Variants in CNGB3 observed in about 807,000 individuals in gnomAD.
CNGB3 encodes the protein cyclic nucleotide-gated channel beta-3.
In CNGB3, 86 loss-of-function variants were observed where a neutral mutation model predicts 92.8. That is an observed-to-expected ratio of 0.93 (90% CI 0.78 to 1.11). CNGB3 has a LOEUF of 1.11. CNGB3 is among the 50% of genes least tolerant of loss of function. The pLI is 0.00. For synonymous variants in CNGB3, 333 were observed against 332.7 expected (o/e 1.00, Z -0.01); for missense variants, 1,026 against 956.8 (o/e 1.07, Z -0.95).
intron 6 of CNGB3, among the ~76,000 whole-genome samples, chr8:86,664,203 T>C (rs1823697952): frequency 6.6e-6 from 1 of 152,234 alleles, no homozygotes; most frequent in South Asian, 2.1e-4. Context: ...TATTTCTTTC[T>C]AGGAAAGATT....
At chr8:86,740,469 C>A (rs1825321548) in intron 1 of CNGB3, among the ~76,000 whole-genome samples, 1 of 152,064 alleles carries the variant, frequency 6.6e-6, no homozygotes, top group South Asian at 2.1e-4. Flanking sequence ...TTTTTGTTTT[C>A]CACATGGAGA....
intron 3 of CNGB3, among the ~76,000 whole-genome samples, chr8:86,688,623 C>T (rs536501601): frequency 1.1e-3 from 162 of 152,116 alleles, no homozygotes; most frequent in African/African-American, 3.6e-3. Flanking sequence ...TCACAGCAGC[C>T]TTTAATGATC....
intron 3 of CNGB3, among the ~76,000 whole-genome samples, chr8:86,717,069 T>G (rs2131663838): frequency 6.6e-6 from 1 of 152,228 alleles, no homozygotes; most frequent in Non-Finnish European, 1.5e-5. Flanking sequence ...GGAAAAGCTA[T>G]TCTTATATCA....
intron 3 of CNGB3, among the ~76,000 whole-genome samples, chr8:86,681,152 A>T (rs543084357): frequency 1.3e-5 from 2 of 152,324 alleles, no homozygotes; most frequent in African/African-American, 4.8e-5. Context: ...CTAAAGAAAC[A>T]GAATAACAAA....
chr8:86,634,499 G>T (rs1823026105), intron 10 of CNGB3, among the ~76,000 whole-genome samples: 1 of 152,008 alleles, frequency 6.6e-6, no homozygotes, highest in Non-Finnish European at 1.5e-5. Context: ...TAATTCTTGT[G>T]CACTTAGGCA....
At chr8:86,602,842 C>G (rs1822334247) in intron 15 of CNGB3, among the ~76,000 whole-genome samples, 1 of 152,184 alleles carries the variant, frequency 6.6e-6, no homozygotes. Flanking sequence ...GCCTAAAACC[C>G]TCTACTGGCA....
intron 13 of CNGB3, 113 bp from the exon 14 acceptor site, chr8:86,611,784 A>G: frequency 2.5e-6 from 2 of 802,928 alleles, no homozygotes; most frequent in Non-Finnish European, 4.1e-6. Context: ...TTAGCATAAA[A>G]ATATTAACTG....
intron 11 of CNGB3, among the ~76,000 whole-genome samples, chr8:86,630,968 CT>C (rs1369951352): frequency 3.3e-5 from 5 of 152,224 alleles, no homozygotes; most frequent in Non-Finnish European, 7.4e-5. Context: ...GGCTTTTAAA[CT>C]TTTATTTCTA....
chr8:86,682,186 C>T (rs912473475), intron 3 of CNGB3, among the ~76,000 whole-genome samples: 3 of 152,144 alleles, frequency 2.0e-5, no homozygotes, highest in South Asian at 2.1e-4. Flanking sequence ...GAGACATATG[C>T]TATTTCCACA....
chr8:86,730,499 A>G (rs911923916), intron 2 of CNGB3, among the ~76,000 whole-genome samples: 9 of 152,202 alleles, frequency 5.9e-5, no homozygotes, highest in South Asian at 2.1e-4. Flanking sequence ...TTCTGTCTCA[A>G]AAATAAATCT....
At chr8:86,694,356 C>G (rs941728429) in intron 3 of CNGB3, among the ~76,000 whole-genome samples, 1 of 147,030 alleles carries the variant, frequency 6.8e-6, no homozygotes, top group Non-Finnish European at 1.5e-5. Flanking sequence ...GGGGGGCTGA[C>G]CCCCCCACTT....
intron 3 of CNGB3, among the ~76,000 whole-genome samples, chr8:86,722,124 T>C (rs1456260185): frequency 6.6e-6 from 1 of 152,194 alleles, no homozygotes; most frequent in African/African-American, 2.4e-5. Flanking sequence ...TCATAGGCAC[T>C]GAACATTTCA....
chr8:86,658,066 T>C (rs1823550377), intron 6 of CNGB3: 1 of 529,896 alleles, frequency 1.9e-6, no homozygotes, highest in Non-Finnish European at 3.6e-6. Context: ...CTGCAGCTTC[T>C]CCATGGCCCC....
intron 7 of CNGB3, among the ~76,000 whole-genome samples, chr8:86,652,614 A>G (rs1198452765): frequency 2.6e-5 from 4 of 151,958 alleles, no homozygotes; most frequent in South Asian, 2.1e-4. Context: ...TTTGTTAAAA[A>G]CCAAGACACA....
chr8:86,647,164 A>G (rs1190043507), intron 8 of CNGB3, among the ~76,000 whole-genome samples: 4 of 151,066 alleles, frequency 2.6e-5, no homozygotes, highest in Non-Finnish European at 5.9e-5. Flanking sequence ...ATATCAGTAC[A>G]TAAAAAGCTT....
chr8:86,663,403 A>G (rs1372678354), intron 6 of CNGB3, among the ~76,000 whole-genome samples: 2 of 152,212 alleles, frequency 1.3e-5, no homozygotes, highest in African/African-American at 4.8e-5. Flanking sequence ...TCTTTGTAGC[A>G]CCACTTTTAG....
chr8:86,730,383 A>G (rs1226027828), intron 2 of CNGB3, among the ~76,000 whole-genome samples: 1 of 152,240 alleles, frequency 6.6e-6, no homozygotes, highest in Non-Finnish European at 1.5e-5. Flanking sequence ...GATGGATATG[A>G]AAAGCACAAG....
chr8:86,688,114 G>A (rs966459262), intron 3 of CNGB3, among the ~76,000 whole-genome samples: 29 of 152,058 alleles, frequency 1.9e-4, no homozygotes, highest in African/African-American at 6.7e-4. Context: ...AGAAGCGTGA[G>A]GGTATGAAGG....
At chr8:86,632,933 A>G in intron 10 of CNGB3, 40 bp from the exon 11 acceptor site, 1 of 1,574,144 alleles carries the variant, frequency 6.4e-7, no homozygotes, top group Non-Finnish European at 8.7e-7. Flanking sequence ...TTTTTTCTAT[A>G]TCATCGAAAG....
Sources: allele counts gnomAD v4.1 joint callset (sites outside exome capture counted in the v4.1 genomes callset), GRCh38; gene constraint gnomAD v4.1.1; transcripts MANE v1.5; gene names NCBI Gene and HGNC (gene_info 2026-07-23, HGNC 2026-07-21).